Variants in CARMIL1 observed in about 807,000 individuals in gnomAD.
The protein encoded by CARMIL1 is capping protein regulator and myosin 1 linker 1.
Under a neutral mutation model 177.1 loss-of-function variants are expected in CARMIL1, and 90 were observed. The observed-to-expected ratio is 0.51, with a 90% CI of 0.43 to 0.61. The LOEUF (loss-of-function observed/expected upper bound fraction) is 0.61. Ranked by LOEUF, CARMIL1 falls within the 20% of genes least tolerant of loss-of-function variation. The pLI, the probability that CARMIL1 is intolerant of heterozygous loss-of-function variation, is 0.00. For missense variants in CARMIL1, 1,380 were observed against 1,667.0 expected (o/e 0.83, Z 3.00); for synonymous variants, 577 against 606.2 (o/e 0.95, Z 0.71).
rs770606353 is a variant in CARMIL1 at position 25,279,841 on chromosome 6, A to G, written c.40+6A>G. ...CGTTCCCAGGGAGTTGATAGGTAAG[A>G]TTCACGCGGTTGTTGGTTTTCCACC... is the stretch of plus-strand genomic sequence containing the variant. On this transcript the variant is annotated splice_donor_region_variant and intron_variant, in intron 1 of 36. Coordinates refer to ENST00000329474, the MANE Select transcript of CARMIL1 (RefSeq NM_017640.6). The G allele has an allele frequency of 6.8e-6, 11 of 1,613,912 alleles. No individual in the cohort carries two copies. Among genetic ancestry groups the G allele is most frequent in the Middle Eastern group, 1.6e-4 (1 of 6,062 alleles).
At chr6:25,356,285 C>T (rs1025911448) in intron 2 of CARMIL1, among the ~76,000 whole-genome samples, 1 of 152,074 alleles carries the variant, frequency 6.6e-6, no homozygotes, top group African/African-American at 2.4e-5. Flanking sequence ...TCTCGATCTC[C>T]TGACCTCATG....
intron 2 of CARMIL1, among the ~76,000 whole-genome samples, chr6:25,413,878 A>G (rs943562810): frequency 1.1e-4 from 16 of 152,138 alleles, no homozygotes; most frequent in African/African-American, 3.4e-4. Context: ...TGAACAGAAA[A>G]TTGCAGCCTA....
At position 25,528,814 on chromosome 6, in the gene CARMIL1, G is replaced by A. The variant is rs1807427094; in HGVS notation, c.1988G>A (p.Arg663Gln). The A allele has an allele frequency of 6.2e-7, 1 of 1,606,258 alleles. No individual in the cohort carries two copies. The highest frequency in any genetic ancestry group is 8.5e-7 in the Non-Finnish European group (1 of 1,176,128). Residue 663 changes from arginine (R) to glutamine (Q), a missense_variant, in exon 24 of 37, where the codon CGA (arginine) becomes CAA (glutamine). Physicochemically the swap from Arg to Gln is conservative, Grantham distance 43 (BLOSUM62 1). Coordinates refer to ENST00000329474, the MANE Select transcript of CARMIL1 (RefSeq NM_017640.6). ...ALQKIENYLL[R>Q]NHETRKYLQE... Reference sequence around the variant, plus strand: ...TTCCAGATAGAAAACTACCTGCTACGAAATCACGAGACTAGAAAATACCTT... The same window carrying A: ...TTCCAGATAGAAAACTACCTGCTACAAAATCACGAGACTAGAAAATACCTT...
At chr6:25,539,868 C>A in intron 25 of CARMIL1, 79 bp from the exon 26 acceptor site, 1 of 1,105,758 alleles carries the variant, frequency 9.0e-7, no homozygotes, top group Non-Finnish European at 1.3e-6. Context: ...ATTCCTTCAC[C>A]CTTCTCATTC....
At chr6:25,427,646 A>G (rs999402046) in intron 4 of CARMIL1, among the ~76,000 whole-genome samples, 3 of 152,158 alleles carry the variant, frequency 2.0e-5, no homozygotes, top group African/African-American at 7.2e-5. Context: ...ACTTTTCCAC[A>G]GTGGTTTTAC....
intron 11 of CARMIL1, among the ~76,000 whole-genome samples, chr6:25,475,131 C>T (rs986080712): frequency 6.6e-6 from 1 of 152,100 alleles, no homozygotes; most frequent in Non-Finnish European, 1.5e-5. Flanking sequence ...CTTGGCTGGG[C>T]GTGGTGGCTC....
In CARMIL1 at chr6:25,544,391, G is replaced by A. The variant is rs150205745; in HGVS notation, c.2328+4313G>A. Reference sequence around the variant, plus strand: ...GTTGGTGGTTGGGGGCAGGCAGGGAGAGGCTCTTTTTTTAAAAAAAGACCG... The same window carrying A: ...GTTGGTGGTTGGGGGCAGGCAGGGAAAGGCTCTTTTTTTAAAAAAAGACCG... On this transcript the variant is annotated intron_variant, in intron 26 of 36. Coordinates refer to ENST00000329474, the MANE Select transcript of CARMIL1 (RefSeq NM_017640.6). 2.1e-4 allele frequency among the ~76,000 whole-genome samples: 32 copies of A among 152,066 alleles called. No homozygotes were observed. The East Asian group carries it at 6.2e-3, about 29-fold the overall frequency.
chr6:25,502,309 A>T (rs777499870), intron 17 of CARMIL1, among the ~76,000 whole-genome samples: 29 of 152,070 alleles, frequency 1.9e-4, no homozygotes, highest in South Asian at 8.3e-4. Context: ...CTGTAATCCC[A>T]GCACTTTGGG....
At chr6:25,530,099 T>C (rs1485166301) in intron 24 of CARMIL1, among the ~76,000 whole-genome samples, 1 of 151,594 alleles carries the variant, frequency 6.6e-6, no homozygotes, top group Non-Finnish European at 1.5e-5. Context: ...AGTCTCGGGG[T>C]TGATATAACC....
At chr6:25,485,938 T>TAAA (rs36113795) in intron 12 of CARMIL1, among the ~76,000 whole-genome samples, 1 of 142,418 alleles carries the variant, frequency 7.0e-6, no homozygotes, top group African/African-American at 2.6e-5. Flanking sequence ...CAAGACAGAT[T>TAAA]AAAAAAAAAA....
At chr6:25,423,747 A>G (rs565735988) in intron 3 of CARMIL1, among the ~76,000 whole-genome samples, 8 of 152,260 alleles carry the variant, frequency 5.3e-5, no homozygotes, top group Admixed American at 3.9e-4. Flanking sequence ...ATTGGTGGAA[A>G]AGCTATTGAC....
intron 2 of CARMIL1, among the ~76,000 whole-genome samples, chr6:25,409,769 CAA>C (rs1276947600): frequency 7.9e-5 from 12 of 152,256 alleles, no homozygotes; most frequent in African/African-American, 2.9e-4. Flanking sequence ...TGACATCACT[CAA>C]ACAAGTTTTG....
intron 2 of CARMIL1, among the ~76,000 whole-genome samples, chr6:25,336,125 ATGTCTCCCCCAACC>A (rs1252118667): frequency 1.3e-5 from 2 of 151,982 alleles, no homozygotes; most frequent in Non-Finnish European, 2.9e-5. Context: ...AAAAACTTTA[ATGTCTCCCCCAACC>A]CCCAGATTTT....
intron 8 of CARMIL1, among the ~76,000 whole-genome samples, chr6:25,455,945 C>T (rs896096160): frequency 9.2e-5 from 14 of 152,150 alleles, no homozygotes; most frequent in Admixed American, 3.3e-4. Context: ...TTAGAAGGTC[C>T]AGGTATGGTG....
intron 3 of CARMIL1, 116 bp downstream of exon 3, chr6:25,420,280 AAC>A (rs1226261274): frequency 3.7e-4 from 335 of 911,936 alleles, no homozygotes; most frequent in East Asian, 1.6e-3. Flanking sequence ...ACTGCAACAC[AAC>A]ACACACACAC....
chr6:25,604,163 T>C (rs1283459963), intron 33 of CARMIL1, among the ~76,000 whole-genome samples: 1 of 152,170 alleles, frequency 6.6e-6, no homozygotes, highest in East Asian at 1.9e-4. Context: ...AGCTTTGAAC[T>C]CCTGGGGTTG....
chr6:25,425,270 C>T (rs2150718071), intron 3 of CARMIL1, among the ~76,000 whole-genome samples: 1 of 152,262 alleles, frequency 6.6e-6, no homozygotes, highest in East Asian at 1.9e-4. Context: ...AGTTCTCTTT[C>T]TACTTCCAGA....
chr6:25,342,671 A>G (rs1410599049), intron 2 of CARMIL1, among the ~76,000 whole-genome samples: 2 of 152,110 alleles, frequency 1.3e-5, no homozygotes, highest in African/African-American at 4.8e-5. Context: ...CTCATGACCA[A>G]AAAGTTTCAT....
At chr6:25,591,570 C>T (rs909893499) in intron 31 of CARMIL1, among the ~76,000 whole-genome samples, 8 of 152,212 alleles carry the variant, frequency 5.3e-5, no homozygotes, top group African/African-American at 1.9e-4. Context: ...CTTCTGATAA[C>T]TGTTTGTCCT....
Sources: gnomAD v4.1 joint callset for allele counts (sites outside exome capture counted in the v4.1 genomes callset) on GRCh38, gnomAD v4.1.1 for gene constraint, MANE v1.5 for transcripts, NCBI Gene and HGNC (gene_info 2026-07-23, HGNC 2026-07-21) for gene names.